Variants in C16orf78 observed in about 807,000 individuals in gnomAD.
C16orf78 encodes the protein uncharacterized protein C16orf78.
In C16orf78, 19 loss-of-function variants were observed where a neutral mutation model predicts 27.3. That is an observed-to-expected ratio of 0.70 (90% confidence interval 0.49 to 1.02). C16orf78 has a LOEUF of 1.02. Ranked by LOEUF, C16orf78 falls within the 50% of genes least tolerant of loss-of-function variation. The pLI is 0.00. For synonymous variants in C16orf78, 130 were observed against 116.1 expected, an observed-to-expected ratio of 1.12 and a Z score of -0.77; for missense variants, 339 against 337.0, an observed-to-expected ratio of 1.01 and a Z score of -0.05.
Position 49,374,045 on chromosome 16 carries a change from G to A in C16orf78, c.106G>A (p.Glu36Lys), listed in dbSNP as rs1275423352. The change falls in exon 1 of 5, where the codon GAG becomes AAG. Residue 36 changes from glutamate to lysine, a missense_variant. Coordinates refer to ENST00000299191, the MANE Select transcript of C16orf78 (RefSeq NM_144602.4). ...RRMSDLTCVL[E>K]WLERRQGKKK... ...CATGTCTGACCTCACCTGTGTGCTGGAGTGGCTGGAGCGGAGGCAGGGGAA... is the reference window on the plus strand; with the variant it reads ...CATGTCTGACCTCACCTGTGTGCTGAAGTGGCTGGAGCGGAGGCAGGGGAA... 4 of 1,614,194 alleles carry A rather than the reference G, an allele frequency of 2.5e-6. No homozygotes were observed. Among genetic ancestry groups the A allele is most frequent in the South Asian group, 1.1e-5 (1 of 91,060 alleles).
rs137897745 is a variant in C16orf78 at position 49,391,237 on chromosome 16, C to G, written c.395-5186C>G. 2.2e-4 allele frequency among the ~76,000 whole-genome samples: 33 copies of G among 152,294 alleles called. No individual in the cohort carries two copies. The East Asian group carries it at 6.0e-3, about 28-fold the overall frequency. On this transcript the variant is annotated intron_variant, in intron 3 of 4. Coordinates refer to ENST00000299191, the MANE Select transcript of C16orf78 (RefSeq NM_144602.4). The stretch of plus-strand genomic sequence containing the variant: ...GATCCTGGGAAAACAACTGTAACAC[C>G]TTGCCAAAGTAAATCTTGGCAAAGT...
In C16orf78 at chr16:49,378,469, G is replaced by GC. The variant is rs1965247306; in HGVS notation, c.271-1_271insC (p.Ala91ArgfsTer42). On this transcript the variant is annotated frameshift_variant and splice_region_variant. Coordinates refer to ENST00000299191, the MANE Select transcript of C16orf78 (RefSeq NM_144602.4). LOFTEE classifies it high-confidence loss of function. ...GTGACTTCTCACCTGCTCCCTCCAAGGCCTTAGGAAAGAGATTCAGGAAGG... is the reference window on the plus strand; with the variant it reads ...GTGACTTCTCACCTGCTCCCTCCAAGCGCCTTAGGAAAGAGATTCAGGAAGG... The GC allele has an allele frequency of 1.9e-6, 3 of 1,573,758 alleles. No homozygotes were observed. The highest frequency in any genetic ancestry group is 2.6e-6 in the Non-Finnish European group (3 of 1,158,462).
chr16:49,387,559 T>C (rs1227914755), intron 3 of C16orf78, among the ~76,000 whole-genome samples: 1 of 152,224 alleles, frequency 6.6e-6, no homozygotes, highest in African/African-American at 2.4e-5. Context: ...GCTGACCTCA[T>C]AGAATGAGTT....
In C16orf78 at chr16:49,374,019, G is replaced by T. The variant is rs144505396; in HGVS notation, c.80G>T (p.Arg27Leu). 1 of 1,614,174 alleles carries T rather than the reference G, an allele frequency of 6.2e-7. No individual in the cohort carries two copies. The highest frequency in any genetic ancestry group is 1.7e-5 in the Admixed American group (1 of 60,030). The change falls in exon 1 of 5, where the codon CGC becomes CTC. Residue 27 changes from arginine (R) to leucine (L), a missense_variant. By Grantham distance (102) the Arg-to-Leu change is moderately radical. Transcript: ENST00000299191. ...KYMWKTAEDR[R>L]MSDLTCVLEW... ...ATGTGGAAGACTGCTGAAGATAGGC[G>T]CATGTCTGACCTCACCTGTGTGCTG... is the stretch of plus-strand genomic sequence containing the variant.
At chr16:49,387,289 T>G (rs1262982580) in intron 3 of C16orf78, among the ~76,000 whole-genome samples, 2 of 152,038 alleles carry the variant, frequency 1.3e-5, no homozygotes, top group Non-Finnish European at 2.9e-5. Context: ...TTGCCCACTT[T>G]TGTTGTTGTT....
At chr16:49,394,956 C>T (rs567505829) in intron 3 of C16orf78, among the ~76,000 whole-genome samples, 1 of 152,242 alleles carries the variant, frequency 6.6e-6, no homozygotes, top group African/African-American at 2.4e-5. Flanking sequence ...CAGCCTTGAC[C>T]TCCTGGGCTC....
chr16:49,381,868 G>C (rs1429016668), intron 3 of C16orf78, among the ~76,000 whole-genome samples: 2 of 152,056 alleles, frequency 1.3e-5, no homozygotes, highest in African/African-American at 4.8e-5. Context: ...ATTCCTCAGG[G>C]ATCTAGAACT....
Position 49,380,611 on chromosome 16 carries a change from G to A in C16orf78, c.394+2018G>A, listed in dbSNP as rs7190127. On this transcript the variant is annotated intron_variant, in intron 3 of 4. Transcript: ENST00000299191. ...CTACTGAAGGCTTGGGGTCAACAGAGGGAAAGAATTACATCTTTAGTTTAA... is the reference window on the plus strand; with the variant it reads ...CTACTGAAGGCTTGGGGTCAACAGAAGGAAAGAATTACATCTTTAGTTTAA... 9.1e-4 allele frequency among the ~76,000 whole-genome samples: 139 copies of A among 152,316 alleles called. 2 individuals carry two copies. Among genetic ancestry groups the A allele is most frequent in the African/African-American group, 3.2e-3 (134 of 41,578 alleles).
At chr16:49,375,139 A>T (rs945516243) in intron 1 of C16orf78, among the ~76,000 whole-genome samples, 1 of 152,176 alleles carries the variant, frequency 6.6e-6, no homozygotes, top group African/African-American at 2.4e-5. Context: ...TATTGAAGTC[A>T]CAGAAGTAAT....
At chr16:49,397,842 T>G (rs1965493225) in intron 4 of C16orf78, among the ~76,000 whole-genome samples, 1 of 152,190 alleles carries the variant, frequency 6.6e-6, no homozygotes, top group Non-Finnish European at 1.5e-5. Context: ...CTCGGCTCAC[T>G]GCAACCTCCA....
At position 49,397,119 on chromosome 16, in the gene C16orf78, C is replaced by T. The variant is rs180829050; in HGVS notation, c.650+441C>T. On this transcript the variant is annotated intron_variant, in intron 4 of 4. Coordinates refer to ENST00000299191, the MANE Select transcript of C16orf78 (RefSeq NM_144602.4). ...TGGACTTTTAGACTGTCAAAGGGAT[C>T]ATGAACAAAGTGTGAAACCATTTGA... Among the ~76,000 whole-genome samples the T allele has an allele frequency of 1.7e-4, 26 of 152,316 alleles. No homozygotes were observed. In the East Asian group the frequency reaches 3.7e-3, roughly 21 times the overall value.
At chr16:49,375,001 A>T (rs1424725697) in intron 1 of C16orf78, among the ~76,000 whole-genome samples, 1 of 152,226 alleles carries the variant, frequency 6.6e-6, no homozygotes, top group Non-Finnish European at 1.5e-5. Context: ...TTTAATGTTT[A>T]CTGTGGTCAA....
Position 49,380,228 on chromosome 16 carries a change from T to C in C16orf78, c.394+1635T>C, listed in dbSNP as rs549819813. ...GCTTCCTTGCTCCTCAGCTTGCAGA[T>C]GGCCTACTGTGGGACCTCACCTTGT... On this transcript the variant is annotated intron_variant, in intron 3 of 4. Coordinates refer to ENST00000299191, the MANE Select transcript of C16orf78 (RefSeq NM_144602.4). Among the ~76,000 whole-genome samples the C allele has an allele frequency of 2.0e-5, 3 of 152,320 alleles. No individual in the cohort carries two copies. The South Asian group carries it at 6.2e-4, about 32-fold the overall frequency.
In C16orf78 at chr16:49,396,370, A is replaced by ACCT. The variant is rs1321221073; in HGVS notation, c.395-51_395-49dup. 20 of 1,592,130 alleles carry ACCT rather than the reference A, an allele frequency of 1.3e-5. No homozygotes were observed. In the Middle Eastern group the frequency reaches 5.1e-4, roughly 40 times the overall value. On this transcript the variant is annotated intron_variant, in intron 3 of 4. Coordinates refer to ENST00000299191, the MANE Select transcript of C16orf78 (RefSeq NM_144602.4). The stretch of plus-strand genomic sequence containing the variant: ...CCTTCATCCCCTTCCTGCCTACCCC[A>ACCT]CCTCTCACGTCTCCCACGGTCTAAC...
chr16:49,384,346 C>CAAAAAAAAAAAAAAAAAAAAAAAAAA (rs771147270), intron 3 of C16orf78, among the ~76,000 whole-genome samples: 1 of 50,966 alleles, frequency 2.0e-5, no homozygotes, highest in Non-Finnish European at 4.0e-5. Flanking sequence ...AAAACTCCAT[C>CAAAAAAAAAAAAAAAAAAAAAAAAAA]AAAAAAAAAA....
chr16:49,373,888 G>T lies in C16orf78; in HGVS notation c.-52G>T, dbSNP rs1279941507. The T allele has an allele frequency of 1.2e-6, 2 of 1,605,874 alleles. No individual in the cohort carries two copies. The highest frequency in any genetic ancestry group is 4.5e-5 in the East Asian group (2 of 44,806). On this transcript the variant is annotated 5_prime_UTR_variant, in exon 1 of 5. An upstream open reading frame in the 5' UTR gains an earlier in-frame stop. Transcript: ENST00000299191. ...TCAAGTCCAGACAAAGGGATCGAAA[G>T]AGTGAGACAGTGCCAGCCACCTCCC...
chr16:49,377,701 C>T (rs1365577178), intron 1 of C16orf78, 30 bp from the exon 2 acceptor site: 2 of 1,594,298 alleles, frequency 1.3e-6, no homozygotes, highest in East Asian at 2.2e-5. Flanking sequence ...ACAGCAGTGG[C>T]TGCAGGGCTC....
chr16:49,394,326 T>C (rs1245278792), intron 3 of C16orf78, among the ~76,000 whole-genome samples: 1 of 152,012 alleles, frequency 6.6e-6, no homozygotes, highest in African/African-American at 2.4e-5. Context: ...TGTATGAAAA[T>C]ACATCAAATG....
intron 3 of C16orf78, among the ~76,000 whole-genome samples, chr16:49,383,559 T>C (rs914236070): frequency 2.0e-5 from 3 of 152,252 alleles, no homozygotes; most frequent in African/African-American, 7.2e-5. Context: ...TTAATATCTT[T>C]AATCTCTTTC....
Sources: allele counts gnomAD v4.1 joint callset (sites outside exome capture counted in the v4.1 genomes callset), GRCh38; gene constraint gnomAD v4.1.1; transcripts MANE v1.5; gene names NCBI Gene and HGNC (gene_info 2026-07-23, HGNC 2026-07-21).